Variants in DYM observed in about 807,000 individuals in gnomAD.
DYM encodes the protein dymeclin.
A neutral mutation model predicts 93.1 loss-of-function variants in DYM; 78 were observed. The ratio of observed to expected loss-of-function variants is 0.84; its 90% CI spans 0.70 to 1.01. The LOEUF (loss-of-function observed/expected upper bound fraction) is 1.01, where lower values mean the gene tolerates loss of function less well. Ranked by LOEUF, DYM falls within the 50% of genes least tolerant of loss-of-function variation. DYM has a pLI of 0.00. For missense variants in DYM, 789 were observed against 845.0 expected (o/e 0.93, Z 0.82); for synonymous variants, 321 against 319.7 (o/e 1.00, Z -0.04).
rs557722023 is a variant in DYM, at chr18:49,065,257, G to A, written c.2026-21053C>T. On this transcript the variant is annotated intron_variant, in intron 17 of 17. Transcript: ENST00000675505. ...ATAAACTATTTTCCCATTCCTATTT[G>A]CTTTAAAACCAGTAACTCTGCTAAC... Among the ~76,000 whole-genome samples, 19 of 152,168 alleles carry A rather than the reference G, an allele frequency of 1.2e-4. No homozygotes were observed. In the South Asian group the frequency reaches 1.7e-3, roughly 13 times the overall value.
intron 2 of DYM, among the ~76,000 whole-genome samples, chr18:49,418,908 G>C (rs2073315321): frequency 6.6e-6 from 1 of 151,952 alleles, no homozygotes; most frequent in Non-Finnish European, 1.5e-5. Context: ...CACCACAAAT[G>C]AAACCTCTAT....
chr18:49,236,233 C>T (rs2093856943), intron 13 of DYM, among the ~76,000 whole-genome samples: 1 of 152,134 alleles, frequency 6.6e-6, no homozygotes, highest in Non-Finnish European at 1.5e-5. Flanking sequence ...GTAATCCCAG[C>T]ACCTTGAGAG....
At chr18:49,266,892 G>T (rs1287229684) in intron 11 of DYM, among the ~76,000 whole-genome samples, 1 of 151,822 alleles carries the variant, frequency 6.6e-6, no homozygotes, top group Non-Finnish European at 1.5e-5. Context: ...CATATATTTT[G>T]CTTACAGTGG....
rs867190767 is a variant in DYM at position 49,080,590 on chromosome 18, C to G, written c.2025+16812G>C. Among the ~76,000 whole-genome samples the G allele has an allele frequency of 7.7e-3, 1,053 of 136,266 alleles. 13 individuals carry two copies. Among genetic ancestry groups the G allele is most frequent in the African/African-American group, 0.028 (995 of 35,020 alleles). 89.4% of individuals were successfully genotyped at this position (136,266 alleles called of 152,430 possible). A position where few individuals can be genotyped will look rare whatever the true frequency, so the allele number is the denominator to read the frequency against. ...GACGGGGCGGCTGGCCGGGCGGGGGCTGACCCCCCCACCTCCCTCCTGGAC... is the reference window on the plus strand; with the variant it reads ...GACGGGGCGGCTGGCCGGGCGGGGGGTGACCCCCCCACCTCCCTCCTGGAC... On this transcript the variant is annotated intron_variant, in intron 17 of 17. Coordinates refer to ENST00000675505, the MANE Select transcript of DYM (RefSeq NM_001353214.3).
chr18:49,294,470 T>G (rs2060391930), intron 8 of DYM, among the ~76,000 whole-genome samples: 1 of 152,238 alleles, frequency 6.6e-6, no homozygotes. Flanking sequence ...TTTCCATTTG[T>G]TCATGTCTTC....
chr18:49,444,084 A>C (rs1016860676), intron 1 of DYM, among the ~76,000 whole-genome samples: 5 of 152,234 alleles, frequency 3.3e-5, no homozygotes, highest in African/African-American at 1.2e-4. Flanking sequence ...TTAGCTGGAC[A>C]AAATTTACAA....
intron 13 of DYM, among the ~76,000 whole-genome samples, chr18:49,217,979 G>C (rs2093158780): frequency 6.6e-6 from 1 of 152,074 alleles, no homozygotes; most frequent in Non-Finnish European, 1.5e-5. Flanking sequence ...AAACGGTCAA[G>C]ACCCATCAGT....
intron 2 of DYM, among the ~76,000 whole-genome samples, chr18:49,424,395 T>G (rs1447806920): frequency 6.6e-6 from 1 of 152,184 alleles, no homozygotes; most frequent in South Asian, 2.1e-4. Context: ...ATGGGACATA[T>G]CTCAAAATAG....
intron 5 of DYM, among the ~76,000 whole-genome samples, chr18:49,368,173 T>C (rs1435496570): frequency 6.6e-6 from 1 of 152,212 alleles, no homozygotes; most frequent in Non-Finnish European, 1.5e-5. Flanking sequence ...ACTGCTATTA[T>C]TTTGGTCAAA....
chr18:49,410,212 T>C (rs1320977519), intron 2 of DYM, among the ~76,000 whole-genome samples: 1 of 152,042 alleles, frequency 6.6e-6, no homozygotes, highest in African/African-American at 2.4e-5. Flanking sequence ...ACTACAGGTG[T>C]GTGCCACCAT....
intron 17 of DYM, among the ~76,000 whole-genome samples, chr18:49,084,118 T>C (rs1312794178): frequency 6.6e-6 from 1 of 152,162 alleles, no homozygotes; most frequent in Non-Finnish European, 1.5e-5. Flanking sequence ...GGATTTAAAG[T>C]TATAAATTTT....
intron 2 of DYM, among the ~76,000 whole-genome samples, chr18:49,398,410 T>C (rs954959908): frequency 1.3e-5 from 2 of 152,208 alleles, no homozygotes; most frequent in Non-Finnish European, 2.9e-5. Context: ...GATAGACATC[T>C]AACCCAAGCC....
chr18:49,379,347 A>C, intron 4 of DYM, among the ~76,000 whole-genome samples: 1 of 152,126 alleles, frequency 6.6e-6, no homozygotes, highest in East Asian at 1.9e-4. Flanking sequence ...CTAAGTCATC[A>C]TTTAAACTAG....
At chr18:49,371,641 T>C (rs183101323) in intron 5 of DYM, among the ~76,000 whole-genome samples, 24 of 152,140 alleles carry the variant, frequency 1.6e-4, no homozygotes, top group African/African-American at 4.8e-4. Flanking sequence ...AAGAATGGGG[T>C]ATAATACCAA....
At chr18:49,224,327 G>C (rs987755483) in intron 13 of DYM, among the ~76,000 whole-genome samples, 3 of 152,050 alleles carry the variant, frequency 2.0e-5, no homozygotes, top group Admixed American at 6.6e-5. Context: ...TCATCTGATT[G>C]GACATGCAGG....
chr18:49,352,493 T>C (rs2065196012), intron 6 of DYM, among the ~76,000 whole-genome samples: 1 of 152,198 alleles, frequency 6.6e-6, no homozygotes, highest in South Asian at 2.1e-4. Context: ...GATCACGCTG[T>C]ACTTCTTGCC....
intron 13 of DYM, among the ~76,000 whole-genome samples, chr18:49,215,951 T>C (rs1385024754): frequency 1.4e-5 from 2 of 146,056 alleles, no homozygotes; most frequent in African/African-American, 2.5e-5. Context: ...GGCGAGGCAT[T>C]GCCTCACTCG....
At chr18:49,219,979 T>C (rs1262499464) in intron 13 of DYM, among the ~76,000 whole-genome samples, 5 of 150,484 alleles carry the variant, frequency 3.3e-5, no homozygotes, top group East Asian at 3.9e-4. Flanking sequence ...TGTTTGCAGA[T>C]GACATGATTG....
At chr18:49,334,926 T>G (rs1160945640) in intron 6 of DYM, among the ~76,000 whole-genome samples, 1 of 152,056 alleles carries the variant, frequency 6.6e-6, no homozygotes, top group Non-Finnish European at 1.5e-5. Flanking sequence ...GCCAACATGG[T>G]AAAACCCCAT....
Sources: gnomAD v4.1 joint callset for allele counts (sites outside exome capture counted in the v4.1 genomes callset) on GRCh38, gnomAD v4.1.1 for gene constraint, MANE v1.5 for transcripts, NCBI Gene and HGNC (gene_info 2026-07-23, HGNC 2026-07-21) for gene names.